The following PCTP variants were observed in gnomAD, a reference collection of about 807,000 sequenced individuals.
PCTP encodes the protein phosphatidylcholine transfer protein.
In PCTP, 27 loss-of-function variants were observed where a neutral mutation model predicts 31.0. That is an observed-to-expected ratio of 0.87 (90% CI 0.64 to 1.20). The LOEUF is 1.20. PCTP is among the 50% of genes most tolerant of loss of function. The probability of loss-of-function intolerance (pLI) is 0.00; values close to 1 mark genes in which losing one functional copy is unlikely to be tolerated. For missense variants in PCTP, 287 were observed against 268.2 expected, an observed-to-expected ratio of 1.07 and a Z score of -0.49; for synonymous variants, 108 against 101.2, an observed-to-expected ratio of 1.07 and a Z score of -0.40.
At chr17:55,780,032 C>G (rs575881092), downstream of PCTP, among the ~76,000 whole-genome samples, 1 of 151,650 alleles carries the variant, frequency 6.6e-6, no homozygotes, top group African/African-American at 2.4e-5. Context: ...AAAATGTAAG[C>G]AGGTCCACTT....
Position 55,777,351 on chromosome 17 carries a change from T to G in PCTP, c.*1251T>G. Reference sequence around the variant, plus strand: ...CTGGGAAGAAAAGTGTGTTCTATAATGAATAAATATAGAGTGGTTTTTACT... The same window carrying G: ...CTGGGAAGAAAAGTGTGTTCTATAAGGAATAAATATAGAGTGGTTTTTACT... On this transcript the variant is annotated 3_prime_UTR_variant, in exon 6 of 6. Transcript: ENST00000268896. The G allele has an allele frequency of 2.0e-6, 2 of 985,016 alleles. No individual in the cohort carries two copies. Among genetic ancestry groups the G allele is most frequent in the Non-Finnish European group, 2.4e-6 (2 of 829,366 alleles). The allele number at this position is 985,016 out of a possible 1,614,324, so 61.0% of individuals were successfully genotyped here.
chr17:55,798,883 A>G (rs527985365), intron 3 of PCTP, among the ~76,000 whole-genome samples: 15 of 152,148 alleles, frequency 9.9e-5, no homozygotes, highest in African/African-American at 3.4e-4. Flanking sequence ...TAAGGTTTAC[A>G]ATATCTGTGT....
chr17:55,759,090 G>A (rs1910201399), intron 1 of PCTP, among the ~76,000 whole-genome samples: 1 of 152,180 alleles, frequency 6.6e-6, no homozygotes, highest in Non-Finnish European at 1.5e-5. Flanking sequence ...CCAACATCTG[G>A]AGTGAACCAG....
chr17:55,792,910 C>T (rs1912052891), intron 3 of PCTP, among the ~76,000 whole-genome samples: 1 of 152,184 alleles, frequency 6.6e-6, no homozygotes, highest in East Asian at 1.9e-4. Flanking sequence ...CTGATTTTCT[C>T]AATGGCTTTG....
chr17:55,809,969 C>T (rs1000856682), intron 3 of PCTP, among the ~76,000 whole-genome samples: 1 of 152,126 alleles, frequency 6.6e-6, no homozygotes, highest in Non-Finnish European at 1.5e-5. Context: ...TAGAAATTTA[C>T]CTTCTAGTTG....
intron 1 of PCTP, among the ~76,000 whole-genome samples, chr17:55,766,430 G>A (rs1910659932): frequency 1.0e-5 from 1 of 100,332 alleles, no homozygotes. Flanking sequence ...CCCCACAACA[G>A]TCCCCAGAGT....
chr17:55,806,794 G>T (rs1460391837), intron 3 of PCTP, among the ~76,000 whole-genome samples: 1 of 152,118 alleles, frequency 6.6e-6, no homozygotes, highest in Non-Finnish European at 1.5e-5. Context: ...ATACAAGATT[G>T]TGTCTTCCAT....
chr17:55,850,123 A>G, the PCTP span, among the ~76,000 whole-genome samples: 1 of 152,264 alleles, frequency 6.6e-6, no homozygotes, highest in African/African-American at 2.4e-5. Flanking sequence ...AACCTTTAGT[A>G]TCTTTTATTG....
rs1003558596 is a variant in PCTP, at chr17:55,777,123, A to G, written c.*1023A>G. 2.3e-5 allele frequency: 23 copies of G among 985,702 alleles called. No individual in the cohort carries two copies. Among genetic ancestry groups the G allele is most frequent in the Non-Finnish European group, 2.8e-5 (23 of 829,928 alleles). The allele number at this position is 985,702 out of a possible 1,614,324, so 61.1% of individuals were successfully genotyped here. On this transcript the variant is annotated 3_prime_UTR_variant, in exon 6 of 6. Coordinates refer to ENST00000268896, the MANE Select transcript of PCTP (RefSeq NM_021213.4). The stretch of plus-strand genomic sequence containing the variant: ...GTCTGCCTTTTCTACCACCAAAAAG[A>G]CTTTTAGTTTTCTATGCTTTCTCCT...
At chr17:55,819,579 A>G (rs1432254938) in intron 3 of PCTP, among the ~76,000 whole-genome samples, 1 of 152,028 alleles carries the variant, frequency 6.6e-6, no homozygotes, top group Non-Finnish European at 1.5e-5. Context: ...AGGGAATCCC[A>G]AATCCACAAA....
intron 2 of PCTP, among the ~76,000 whole-genome samples, chr17:55,785,596 A>C (rs1274022687): frequency 6.6e-6 from 1 of 152,212 alleles, no homozygotes; most frequent in Non-Finnish European, 1.5e-5. Context: ...AACAAACCAA[A>C]CCAAACAAAA....
chr17:55,793,302 G>A (rs1912070430), intron 3 of PCTP, among the ~76,000 whole-genome samples: 1 of 152,062 alleles, frequency 6.6e-6, no homozygotes, highest in Non-Finnish European at 1.5e-5. Flanking sequence ...GGATGAGGGG[G>A]CATGTTAGGG....
At chr17:55,792,185 T>C (rs1338071049) in intron 3 of PCTP, among the ~76,000 whole-genome samples, 12 of 144,814 alleles carry the variant, frequency 8.3e-5, no homozygotes, top group African/African-American at 2.6e-4. Flanking sequence ...AGGGTTAGCA[T>C]TGGGAGATAT....
downstream of PCTP, among the ~76,000 whole-genome samples, chr17:55,844,922 T>C (rs1906095717): frequency 6.6e-6 from 1 of 151,360 alleles, no homozygotes; most frequent in African/African-American, 2.4e-5. Context: ...ACCCTGTCTC[T>C]ACTAGATACA....
At chr17:55,772,763 T>A (rs1287144852) in intron 3 of PCTP, among the ~76,000 whole-genome samples, 1 of 152,210 alleles carries the variant, frequency 6.6e-6, no homozygotes, top group Non-Finnish European at 1.5e-5. Context: ...CTGAGCTCCA[T>A]CCAACTATGA....
intron 2 of PCTP, among the ~76,000 whole-genome samples, chr17:55,785,473 G>A (rs1911713402): frequency 6.6e-6 from 1 of 152,244 alleles, no homozygotes; most frequent in Middle Eastern, 3.2e-3. Flanking sequence ...GGAACTGCAA[G>A]ATAATACTGT....
intron 1 of PCTP, among the ~76,000 whole-genome samples, chr17:55,755,106 C>G (rs1028777912): frequency 1.3e-5 from 2 of 152,082 alleles, no homozygotes; most frequent in African/African-American, 4.8e-5. Context: ...TGCAATGGGT[C>G]AGATTTCCAT....
intron 3 of PCTP, among the ~76,000 whole-genome samples, chr17:55,820,998 T>C (rs1365132531): frequency 6.6e-6 from 1 of 152,272 alleles, no homozygotes; most frequent in Admixed American, 6.5e-5. Context: ...CACAGAGGTT[T>C]AATGTTCAAA....
At chr17:55,797,959 C>A (rs1229588358) in intron 3 of PCTP, among the ~76,000 whole-genome samples, 1 of 151,780 alleles carries the variant, frequency 6.6e-6, no homozygotes, top group Non-Finnish European at 1.5e-5. Flanking sequence ...TTATAAGACA[C>A]AAACTTTTAA....
Sources: gnomAD v4.1 joint callset for allele counts (sites outside exome capture counted in the v4.1 genomes callset) on GRCh38, gnomAD v4.1.1 for gene constraint, MANE v1.5 for transcripts, NCBI Gene and HGNC (gene_info 2026-07-23, HGNC 2026-07-21) for gene names.